Variants in RHEB observed in about 807,000 individuals in gnomAD.
RHEB encodes Ras homolog, mTORC1 binding.
Under a neutral mutation model 28.8 loss-of-function variants are expected in RHEB, and 2 were observed. The ratio of observed to expected loss-of-function variants is 0.07; its 90% CI spans 0.03 to 0.22. The LOEUF (loss-of-function observed/expected upper bound fraction) is 0.22, where lower values mean the gene tolerates loss of function less well. RHEB is among the 10% of genes least tolerant of loss of function. The pLI is 1.00. For synonymous variants in RHEB, 69 were observed against 77.3 expected, an observed-to-expected ratio of 0.89 and a Z score of 0.56; for missense variants, 76 against 219.9, an observed-to-expected ratio of 0.35 and a Z score of 4.14.
At chr7:151,505,210 T>G (rs76262999) in intron 1 of RHEB, among the ~76,000 whole-genome samples, 1,903 of 149,794 alleles carry the variant, frequency 0.013, 32 homozygotes, top group African/African-American at 0.044. Context: ...TCATCAAACT[T>G]ACAAACTTCT....
intron 1 of RHEB, among the ~76,000 whole-genome samples, chr7:151,514,883 A>T (rs952810294): frequency 3.3e-5 from 5 of 151,952 alleles, no homozygotes; most frequent in Admixed American, 2.6e-4. Flanking sequence ...ACAAAAAAAT[A>T]AAAAAACTAG....
At chr7:151,488,610 G>T (rs1193074993) in intron 2 of RHEB, among the ~76,000 whole-genome samples, 2 of 152,184 alleles carry the variant, frequency 1.3e-5, no homozygotes, top group Non-Finnish European at 2.9e-5. Flanking sequence ...CAGAAGTGTG[G>T]TAAGTAGAAT....
chr7:151,493,846 A>C (rs565909556), intron 1 of RHEB, among the ~76,000 whole-genome samples: 81 of 152,344 alleles, frequency 5.3e-4, no homozygotes, highest in African/African-American at 1.9e-3. Context: ...AAAAATAGCA[A>C]GAAGAAAACT....
intron 1 of RHEB, among the ~76,000 whole-genome samples, chr7:151,517,368 CGG>C (rs773410109): frequency 7.7e-6 from 1 of 130,524 alleles, no homozygotes; most frequent in African/African-American, 3.1e-5. Flanking sequence ...AACTCCGTCT[CGG>C]AAAAAAAAAA....
chr7:151,510,991 A>G (rs1486509135), intron 1 of RHEB, among the ~76,000 whole-genome samples: 2 of 152,034 alleles, frequency 1.3e-5, no homozygotes, highest in Non-Finnish European at 1.5e-5. Context: ...AGGCGGGAGG[A>G]TCCTTGAGGC....
At chr7:151,498,031 A>T in intron 1 of RHEB, 1 of 995,858 alleles carries the variant, frequency 1.0e-6, no homozygotes, top group Non-Finnish European at 1.4e-6. Flanking sequence ...CTTGACCATG[A>T]AGATGAATGC....
At chr7:151,516,931 A>G (rs552092127) in intron 1 of RHEB, among the ~76,000 whole-genome samples, 1 of 152,322 alleles carries the variant, frequency 6.6e-6, no homozygotes, top group East Asian at 1.9e-4. Context: ...CAAACATGCC[A>G]GTAAGCTCCC....
chr7:151,468,456 G>C lies in RHEB; in HGVS notation c.463-1245C>G, dbSNP rs1802103264. On this transcript the variant is annotated intron_variant, in intron 7 of 7. Transcript: ENST00000262187. The surrounding 1 kb of genome is among the most constrained non-coding windows in gnomAD (Gnocchi z 4.3). ...GGGAAAACACACACCGCTCACTGCT[G>C]ACCTCACACCCATGACCAGGAACCT... 6.6e-6 allele frequency among the ~76,000 whole-genome samples: 1 copy of C among 152,148 alleles called. No individual in the cohort carries two copies. Among genetic ancestry groups the C allele is most frequent in the African/African-American group, 2.4e-5 (1 of 41,436 alleles).
In RHEB at chr7:151,468,382, C is replaced by T. The variant is rs1017327986; in HGVS notation, c.463-1171G>A. 6.6e-6 allele frequency among the ~76,000 whole-genome samples: 1 copy of T among 152,234 alleles called. No homozygotes were observed. Among genetic ancestry groups the T allele is most frequent in the Non-Finnish European group, 1.5e-5 (1 of 68,044 alleles). On this transcript the variant is annotated intron_variant, in intron 7 of 7. Transcript: ENST00000262187. This position sits in a 1 kb window ranked among gnomAD's most constrained non-coding sequence, Gnocchi z 4.3. ...CACTGTACTTCAACTCCCTTCCCTA[C>T]CAACTGTCGCTGGCACGGTGCCCGC...
intron 1 of RHEB, 99 bp downstream of exon 1, chr7:151,519,361 T>G (rs1343602327): frequency 1.2e-6 from 1 of 862,150 alleles, no homozygotes; most frequent in East Asian, 4.0e-5. Context: ...CCCCGCCACA[T>G]GGCCGCGCCG....
chr7:151,482,353 T>C (rs1437382101), intron 3 of RHEB, among the ~76,000 whole-genome samples: 2 of 152,172 alleles, frequency 1.3e-5, no homozygotes, highest in Non-Finnish European at 2.9e-5. Context: ...CAAGTGATCC[T>C]TCCACCTCCC....
intron 1 of RHEB, among the ~76,000 whole-genome samples, chr7:151,499,881 T>C (rs1802742327): frequency 6.6e-6 from 1 of 152,172 alleles, no homozygotes; most frequent in Non-Finnish European, 1.5e-5. Context: ...CAATCAGAGC[T>C]CACTGCAGCC....
intron 2 of RHEB, among the ~76,000 whole-genome samples, chr7:151,489,180 T>G (rs1008719920): frequency 6.6e-6 from 1 of 152,258 alleles, no homozygotes; most frequent in Non-Finnish European, 1.5e-5. Flanking sequence ...CAATCTTCTA[T>G]TGTTCTGTTA....
At chr7:151,493,581 T>A (rs1250729165) in intron 1 of RHEB, among the ~76,000 whole-genome samples, 1 of 151,654 alleles carries the variant, frequency 6.6e-6, no homozygotes. Flanking sequence ...CAAAGGTCAC[T>A]CTTAGCCATT....
chr7:151,488,775 A>G (rs1368266633), intron 2 of RHEB, among the ~76,000 whole-genome samples: 1 of 152,236 alleles, frequency 6.6e-6, no homozygotes, highest in Non-Finnish European at 1.5e-5. Flanking sequence ...AAAATTTAAA[A>G]TATGACCAAA....
At chr7:151,477,015 A>G (rs1031124071) in intron 4 of RHEB, among the ~76,000 whole-genome samples, 4 of 152,234 alleles carry the variant, frequency 2.6e-5, no homozygotes, top group African/African-American at 9.6e-5. Context: ...TCACCTTAAT[A>G]TGGTAAAAAC....
intron 1 of RHEB, among the ~76,000 whole-genome samples, chr7:151,499,992 A>G (rs1406345098): frequency 6.6e-6 from 1 of 152,170 alleles, no homozygotes; most frequent in African/African-American, 2.4e-5. Context: ...TTGTAGAGAC[A>G]GGGTCCACCA....
In RHEB at chr7:151,472,284, C is replaced by T. The variant is rs1012399344; in HGVS notation, c.276-679G>A. On this transcript the variant is annotated intron_variant, in intron 4 of 7. Transcript: ENST00000262187. The surrounding 1 kb of genome is among the most constrained non-coding windows in gnomAD (Gnocchi z 5.2). ...GCTTCTCACTCCCCTCCACTGCTGC[C>T]GCTGAGGTGTGAATTCCTGGCCCAA... 2.6e-5 allele frequency among the ~76,000 whole-genome samples: 4 copies of T among 152,188 alleles called. No individual in the cohort carries two copies. The highest frequency in any genetic ancestry group is 4.4e-5 in the Non-Finnish European group (3 of 68,040).
chr7:151,511,084 T>TA (rs1434799707), intron 1 of RHEB, among the ~76,000 whole-genome samples: 12 of 141,674 alleles, frequency 8.5e-5, no homozygotes, highest in African/African-American at 2.2e-4. Flanking sequence ...TCTCAAAAAA[T>TA]AAAAAATAAA....
Sources: allele counts gnomAD v4.1 joint callset (sites outside exome capture counted in the v4.1 genomes callset), GRCh38; gene constraint gnomAD v4.1.1; non-coding constraint Gnocchi (gnomAD v3.1); transcripts MANE v1.5; gene names NCBI Gene and HGNC (gene_info 2026-07-23, HGNC 2026-07-21).